LRRTM4: variants seen among roughly 807,000 people sequenced by gnomAD.
LRRTM4 encodes the protein leucine-rich repeat transmembrane neuronal protein 4.
In LRRTM4, 25 loss-of-function variants were observed where a neutral mutation model predicts 47.6. That is an observed-to-expected ratio of 0.53 (90% CI 0.38 to 0.73). LRRTM4 has a LOEUF of 0.73. Ranked by LOEUF, LRRTM4 falls within the 30% of genes least tolerant of loss-of-function variation. LRRTM4 has a pLI of 0.00. For synonymous variants in LRRTM4, 311 were observed against 269.5 expected (o/e 1.15, Z -1.51); for missense variants, 638 against 713.4 (o/e 0.89, Z 1.20).
chr2:76,793,681 T>C lies in LRRTM4; in HGVS notation c.1552-44765A>G, dbSNP rs528680392. 4.6e-5 allele frequency among the ~76,000 whole-genome samples: 7 copies of C among 152,166 alleles called. No individual in the cohort carries two copies. In the South Asian group the frequency reaches 1.2e-3, roughly 27 times the overall value. On this transcript the variant is annotated intron_variant, in intron 3 of 3. Transcript: ENST00000409884. ...GATATGGTAGATGAAGAGTCAGTGATTCACAGGTTGCCAGCCTTTGCAAAG... is the reference window on the plus strand; with the variant it reads ...GATATGGTAGATGAAGAGTCAGTGACTCACAGGTTGCCAGCCTTTGCAAAG...
intron 3 of LRRTM4, among the ~76,000 whole-genome samples, chr2:76,878,042 C>T (rs772655772): frequency 1.3e-5 from 2 of 152,102 alleles, no homozygotes; most frequent in African/African-American, 4.8e-5. Context: ...CATTGAGCAA[C>T]CCATTTTTGC....
At chr2:77,029,052 A>AATAT (rs1182040448) in intron 3 of LRRTM4, among the ~76,000 whole-genome samples, 9 of 140,640 alleles carry the variant, frequency 6.4e-5, no homozygotes, top group East Asian at 4.2e-4. Flanking sequence ...CACACACACA[A>AATAT]ATATATATAT....
At chr2:76,966,959 AT>A (rs1448912871) in intron 3 of LRRTM4, among the ~76,000 whole-genome samples, 9 of 151,230 alleles carry the variant, frequency 6.0e-5, no homozygotes, top group African/African-American at 2.2e-4. Context: ...ATTCTCGCAT[AT>A]TTTCTTGTAT....
chr2:77,015,717 A>T (rs1024571946), intron 3 of LRRTM4, among the ~76,000 whole-genome samples: 1 of 152,170 alleles, frequency 6.6e-6, no homozygotes, highest in Non-Finnish European at 1.5e-5. Context: ...TTGCAAATGT[A>T]TGAAGTGGAT....
intron 3 of LRRTM4, among the ~76,000 whole-genome samples, chr2:77,212,474 T>TATATAGAG (rs1431592737): frequency 3.7e-5 from 5 of 136,970 alleles, no homozygotes; most frequent in African/African-American, 1.4e-4. Context: ...TATATATATA[T>TATATAGAG]AGAGAGAGAG....
At chr2:77,474,434 A>G (rs1677304852) in intron 3 of LRRTM4, among the ~76,000 whole-genome samples, 1 of 152,030 alleles carries the variant, frequency 6.6e-6, no homozygotes, top group Non-Finnish European at 1.5e-5. Context: ...TATTTGTTGT[A>G]TACAAAATAG....
chr2:77,061,337 C>A (rs1185721474), intron 3 of LRRTM4, among the ~76,000 whole-genome samples: 1 of 152,058 alleles, frequency 6.6e-6, no homozygotes, highest in African/African-American at 2.4e-5. Context: ...AGGCTGCTCT[C>A]AACAGTTCCT....
chr2:77,344,161 C>G (rs1279140629), intron 3 of LRRTM4, among the ~76,000 whole-genome samples: 2 of 151,704 alleles, frequency 1.3e-5, no homozygotes, highest in Admixed American at 6.6e-5. Flanking sequence ...ATAATATTAA[C>G]ATATTCAAGA....
At chr2:77,046,555 A>C (rs764487035) in intron 3 of LRRTM4, among the ~76,000 whole-genome samples, 7 of 152,096 alleles carry the variant, frequency 4.6e-5, no homozygotes, top group Non-Finnish European at 7.4e-5. Flanking sequence ...GAATGACTAG[A>C]GTATATACCA....
At chr2:77,340,678 C>T (rs73941221) in intron 3 of LRRTM4, among the ~76,000 whole-genome samples, 11,219 of 151,848 alleles carry the variant, frequency 0.074, 678 homozygotes, top group East Asian at 0.17. Context: ...TATAGTGCCA[C>T]CGTGTTTGTA....
chr2:76,824,868 G>A (rs1671149392), intron 3 of LRRTM4, among the ~76,000 whole-genome samples: 1 of 151,594 alleles, frequency 6.6e-6, no homozygotes, highest in Admixed American at 6.6e-5. Context: ...TTTTCAATTA[G>A]AGAAGCAATG....
intron 3 of LRRTM4, among the ~76,000 whole-genome samples, chr2:76,905,940 G>A (rs563602690): frequency 6.6e-6 from 1 of 152,198 alleles, no homozygotes; most frequent in South Asian, 2.1e-4. Flanking sequence ...TTATCCAAGA[G>A]AACTTCCCCA....
At chr2:76,755,813 T>C (rs1673009167) in intron 3 of LRRTM4, among the ~76,000 whole-genome samples, 1 of 152,140 alleles carries the variant, frequency 6.6e-6, no homozygotes, top group African/African-American at 2.4e-5. Context: ...TCACATTCTA[T>C]TTGTAAACTA....
chr2:76,909,897 G>A (rs1161240942), intron 3 of LRRTM4, among the ~76,000 whole-genome samples: 2 of 152,156 alleles, frequency 1.3e-5, no homozygotes, highest in Non-Finnish European at 2.9e-5. Flanking sequence ...CATTGTTGGT[G>A]GGACTGTCAA....
chr2:77,100,046 G>T (rs1479159640), intron 3 of LRRTM4, among the ~76,000 whole-genome samples: 2 of 151,562 alleles, frequency 1.3e-5, no homozygotes, highest in Non-Finnish European at 2.9e-5. Context: ...TCTCATTTTT[G>T]GTGTCCTCTT....
At chr2:77,295,244 CTTATA>C (rs1676937795) in intron 3 of LRRTM4, among the ~76,000 whole-genome samples, 1 of 152,236 alleles carries the variant, frequency 6.6e-6, no homozygotes, top group East Asian at 1.9e-4. Context: ...ACAGTACCCT[CTTATA>C]TTATATTGGA....
chr2:77,469,083 C>G (rs1211504407), intron 3 of LRRTM4, among the ~76,000 whole-genome samples: 1 of 152,214 alleles, frequency 6.6e-6, no homozygotes, highest in Non-Finnish European at 1.5e-5. Flanking sequence ...TATCCAACTT[C>G]AGCTAGTTTC....
At chr2:77,171,344 T>A (rs1280665910) in intron 3 of LRRTM4, among the ~76,000 whole-genome samples, 2 of 152,164 alleles carry the variant, frequency 1.3e-5, no homozygotes, top group African/African-American at 4.8e-5. Context: ...TGGTGCAATC[T>A]CAGCTCACTG....
chr2:77,025,935 T>C (rs934628618), intron 3 of LRRTM4, among the ~76,000 whole-genome samples: 1 of 152,180 alleles, frequency 6.6e-6, no homozygotes, highest in Non-Finnish European at 1.5e-5. Context: ...TATTGATAAA[T>C]TATCTTGCTA....
Sources: allele counts gnomAD v4.1 joint callset (sites outside exome capture counted in the v4.1 genomes callset), GRCh38; gene constraint gnomAD v4.1.1; transcripts MANE v1.5; gene names NCBI Gene and HGNC (gene_info 2026-07-23, HGNC 2026-07-21).